THAP3: variants seen among roughly 807,000 people sequenced by gnomAD.
The protein encoded by THAP3 is THAP domain containing 3.
A neutral mutation model predicts 17.7 loss-of-function variants in THAP3; 12 were observed. The ratio of observed to expected loss-of-function variants is 0.68; its 90% CI spans 0.43 to 1.10. THAP3 has a LOEUF of 1.10. THAP3 is among the 50% of genes least tolerant of loss of function. The pLI, the probability that THAP3 is intolerant of heterozygous loss-of-function variation, is 0.00. For synonymous variants in THAP3, 133 were observed against 126.9 expected, an observed-to-expected ratio of 1.05 and a Z score of -0.32; for missense variants, 289 against 318.0, an observed-to-expected ratio of 0.91 and a Z score of 0.69.
At chr1:6,634,370 AC>A (rs1641712866), downstream of THAP3, 1 of 1,124,532 alleles carries the variant, frequency 8.9e-7, no homozygotes, top group Non-Finnish European at 1.2e-6. Context: ...GATGAATGTT[AC>A]AGAATTGGAC....
At chr1:6,628,407 G>A (rs911021763) in intron 2 of THAP3, 92 bp from the exon 3 acceptor site, 1 of 1,021,504 alleles carries the variant, frequency 9.8e-7, no homozygotes, top group African/African-American at 1.6e-5. Flanking sequence ...GCTGTCCAGG[G>A]AAGTACTCTG....
chr1:6,634,715 C>T (rs1641723329), downstream of THAP3: 1 of 1,363,106 alleles, frequency 7.3e-7, no homozygotes, highest in South Asian at 1.1e-5. Context: ...TGAAGGAAGG[C>T]TCCGGAGCAC....
At chr1:6,634,891 A>ACTG, downstream of THAP3, 1 of 1,196,002 alleles carries the variant, frequency 8.4e-7, no homozygotes, top group Non-Finnish European at 1.1e-6. Flanking sequence ...CTTGCCCAGC[A>ACTG]CTGCACTCTG....
chr1:6,632,466 C>T lies in THAP3; in HGVS notation c.409C>T (p.Pro137Ser), dbSNP rs200857332. The T allele has an allele frequency of 2.5e-6, 4 of 1,614,042 alleles. No homozygotes were observed. Among genetic ancestry groups the T allele is most frequent in the Non-Finnish European group, 2.5e-6 (3 of 1,180,022 alleles). Residue 137 changes from proline to serine, a missense_variant, in exon 5 of 6, where the codon CCC (proline) becomes TCC (serine). Transcript: ENST00000054650. Reference protein sequence around the residue: ...MDTALEELQLPPNAEGHVKQV... With the variant: ...MDTALEELQLSPNAEGHVKQV... ...CACTGCACTTGAAGAGCTTCAGTTG[C>T]CCCCAAATGCCGAAGGCCACGTAAA...
chr1:6,633,913 T>C (rs1641699010), downstream of THAP3: 1 of 1,013,974 alleles, frequency 9.9e-7, no homozygotes, highest in Non-Finnish European at 1.5e-6. Context: ...CGAGACTCAG[T>C]CTGAAAAAAA....
intron 1 of THAP3, 73 bp from the exon 2 acceptor site, chr1:6,625,077 T>C: frequency 1.1e-6 from 1 of 915,188 alleles, no homozygotes; most frequent in South Asian, 1.7e-5. Context: ...GTGGCTGGGA[T>C]GGCAGGATGA....
intron 1 of THAP3, 28 bp downstream of exon 1, chr1:6,624,982 G>C (rs1641418716): frequency 5.5e-6 from 3 of 542,748 alleles, no homozygotes; most frequent in Non-Finnish European, 9.7e-6. Context: ...CCAAGGCTAG[G>C]AGTTGGGGTT....
downstream of THAP3, chr1:6,635,458 G>A (rs1641744153): frequency 7.4e-6 from 4 of 542,362 alleles, no homozygotes; most frequent in Non-Finnish European, 1.3e-5. Context: ...GGGCCAGGCT[G>A]CAGTCTGGTT....
chr1:6,631,140 G>T (rs1011756498), intron 4 of THAP3, among the ~76,000 whole-genome samples: 1 of 151,908 alleles, frequency 6.6e-6, no homozygotes, highest in Non-Finnish European at 1.5e-5. Flanking sequence ...AAGTGGCTGG[G>T]ACCACAAGCA....
rs1388811902 is a variant in THAP3, at chr1:6,632,965, G to A, written c.608G>A (p.Arg203Gln). The change falls in exon 6 of 6, where the codon CGG (arginine) becomes CAG (glutamine). Residue 203 changes from arginine (R) to glutamine (Q), a missense_variant. Arg to Gln is a conservative substitution (Grantham distance 43). Coordinates refer to ENST00000054650, the MANE Select transcript of THAP3 (RefSeq NM_001195753.2). ...FLTLKENEKL[R>Q]KRLQAQRLVM... ...ACTCTGAAGGAAAATGAAAAGCTCC[G>A]GAAGCGCTTGCAGGCCCAGAGGCTG... 8.1e-6 allele frequency: 13 copies of A among 1,612,814 alleles called. No homozygotes were observed. Among genetic ancestry groups the A allele is most frequent in the Admixed American group, 5.0e-5 (3 of 60,012 alleles).
intron 3 of THAP3, among the ~76,000 whole-genome samples, chr1:6,629,027 C>A (rs1473530399): frequency 1.3e-5 from 2 of 152,232 alleles, no homozygotes; most frequent in African/African-American, 2.4e-5. Context: ...CATGTTGAAA[C>A]CCCATTTCTA....
chr1:6,634,448 G>A, downstream of THAP3: 1 of 1,292,396 alleles, frequency 7.7e-7, no homozygotes, highest in Admixed American at 2.3e-5. Context: ...CCAGTGCTGG[G>A]GAGGGAGGCC....
At chr1:6,634,208 T>C (rs532794371), downstream of THAP3, 7 of 994,386 alleles carry the variant, frequency 7.0e-6, no homozygotes, top group African/African-American at 6.4e-5. Flanking sequence ...GTGCCTTCTG[T>C]ACAGTCGACT....
intron 3 of THAP3, 114 bp downstream of exon 3, chr1:6,628,805 G>A: frequency 2.8e-6 from 3 of 1,073,860 alleles, no homozygotes; most frequent in Non-Finnish European, 4.0e-6. Context: ...AAGAACTCCA[G>A]TGACAACAGC....
chr1:6,629,951 ACCTCGAGTGGTG>A (rs1641563808), intron 3 of THAP3, among the ~76,000 whole-genome samples: 1 of 152,118 alleles, frequency 6.6e-6, no homozygotes, highest in Non-Finnish European at 1.5e-5. Flanking sequence ...GGTCAGTGGC[ACCTCGAGTGGTG>A]AGCTGCGCTT....
At position 6,632,710 on chromosome 1, in the gene THAP3, G is replaced by GC. The variant is rs757318008; in HGVS notation, c.439-85dup. On this transcript the variant is annotated intron_variant, in intron 5 of 5. Transcript: ENST00000054650. ...GAGTGTCTAGCTGCCCTGGGGTTGT[G>GC]CTGTGTGCGTGTCTGGTGGCCTGCT... 2.6e-6 allele frequency: 4 copies of GC among 1,541,110 alleles called. No homozygotes were observed. In the East Asian group the frequency reaches 9.0e-5, roughly 35 times the overall value.
At chr1:6,635,019 G>GAGTT, downstream of THAP3, 1 of 447,410 alleles carries the variant, frequency 2.2e-6, no homozygotes, top group Non-Finnish European at 3.5e-6. Context: ...CTGGGATCGG[G>GAGTT]AGTTACACTA....
rs1641686653 is a variant in THAP3, at chr1:6,633,481, TGGACAG to T, written c.*405_*410del. On this transcript the variant is annotated 3_prime_UTR_variant, in exon 6 of 6. Transcript: ENST00000054650. ...TGAGTGGTCCCCTCCTCCATCAGCC[TGGACAG>T]CCGCTCGGGGTTCTAAGGAGTGACT... 2 of 1,131,790 alleles carry T rather than the reference TGGACAG, an allele frequency of 1.8e-6. No homozygotes were observed. Among genetic ancestry groups the T allele is most frequent in the Admixed American group, 9.1e-5 (2 of 22,042 alleles). 70.1% of individuals were successfully genotyped at this position (1,131,790 alleles called of 1,614,324 possible).
At chr1:6,626,134 C>A (rs535157030) in intron 2 of THAP3, among the ~76,000 whole-genome samples, 1 of 151,954 alleles carries the variant, frequency 6.6e-6, no homozygotes, top group Admixed American at 6.5e-5. Context: ...AGAAGGAGAC[C>A]CTACCTCTAC....
Sources: gnomAD v4.1 joint callset for allele counts (sites outside exome capture counted in the v4.1 genomes callset) on GRCh38, gnomAD v4.1.1 for gene constraint, MANE v1.5 for transcripts, NCBI Gene and HGNC (gene_info 2026-07-23, HGNC 2026-07-21) for gene names.